RNF149: variants seen among roughly 807,000 people sequenced by gnomAD.
The protein encoded by RNF149 is ring finger protein 149, also known as E3 ubiquitin-protein ligase RNF149.
In RNF149, 21 loss-of-function variants were observed where a neutral mutation model predicts 39.0. That is an observed-to-expected ratio of 0.54 (90% CI 0.38 to 0.77). The LOEUF is 0.77. RNF149 is among the 30% of genes least tolerant of loss of function. The pLI, the probability that RNF149 is intolerant of heterozygous loss-of-function variation, is 0.00. For synonymous variants in RNF149, 209 were observed against 213.6 expected (o/e 0.98, Z 0.19); for missense variants, 493 against 534.9 (o/e 0.92, Z 0.77).
At position 101,275,940 on chromosome 2, in the gene RNF149, C is replaced by T. The variant is rs1016469128; in HGVS notation, c.*1298G>A. 29 of 984,290 alleles carry T rather than the reference C, an allele frequency of 2.9e-5. No homozygotes were observed. In the Admixed American group the frequency reaches 1.6e-3, roughly 54 times the overall value. 61.0% of individuals were successfully genotyped at this position (984,290 alleles called of 1,614,324 possible). ...TCTACTTCAATAGCTCCTCATACTG[C>T]ATCTGTCTGTAGAGTTTATTTCAGT... On this transcript the variant is annotated 3_prime_UTR_variant, in exon 7 of 7. Transcript: ENST00000295317.
chr2:101,295,027 G>A lies in RNF149; in HGVS notation c.615C>T (p.Ala205=). ...FISGQSVVFV[A]IAFITMMIIS... Reference sequence around the variant, plus strand: ...TAATCATCATGGTGATGAAGGCAATGGCCACAAACACCACAGACTGACCGC... The same window carrying A: ...TAATCATCATGGTGATGAAGGCAATAGCCACAAACACCACAGACTGACCGC... The change falls in exon 2 of 7, where the codon GCC becomes GCT. Residue 205 remains alanine (A), a synonymous_variant. Coordinates refer to ENST00000295317, the MANE Select transcript of RNF149 (RefSeq NM_173647.4). The A allele has an allele frequency of 6.2e-7, 1 of 1,614,076 alleles. No individual in the cohort carries two copies. Among genetic ancestry groups the A allele is most frequent in the Admixed American group, 1.7e-5 (1 of 60,016 alleles).
intron 4 of RNF149, chr2:101,286,507 T>G (rs1682798955): frequency 5.2e-6 from 1 of 191,884 alleles, no homozygotes; most frequent in African/African-American, 2.3e-5. Context: ...ATAAGTAAAC[T>G]AATACTAAAC....
chr2:101,292,123 C>T (rs1374717415), intron 3 of RNF149, among the ~76,000 whole-genome samples: 3 of 152,172 alleles, frequency 2.0e-5, no homozygotes, highest in African/African-American at 7.2e-5. Flanking sequence ...GCATACCATA[C>T]TGAAAGTGAA....
intron 1 of RNF149, among the ~76,000 whole-genome samples, chr2:101,298,191 G>A (rs745939479): frequency 6.6e-6 from 1 of 152,146 alleles, no homozygotes; most frequent in African/African-American, 2.4e-5. Flanking sequence ...AACACTTTGG[G>A]GGGCCAAGGC....
intron 1 of RNF149, among the ~76,000 whole-genome samples, chr2:101,304,835 A>ATTTTTTTTT (rs11340908): frequency 1.1e-5 from 1 of 89,750 alleles, no homozygotes. Flanking sequence ...GACTACTAGT[A>ATTTTTTTTT]TTTTTTTTTT....
At position 101,275,615 on chromosome 2, in the gene RNF149, G is replaced by GT; in HGVS notation, c.*1622dup. The GT allele has an allele frequency of 6.6e-6, 1 of 152,248 alleles. No individual in the cohort carries two copies. The highest frequency in any genetic ancestry group is 2.0e-4 in the East Asian group (1 of 5,006). 9.4% of individuals were successfully genotyped at this position (152,248 alleles called of 1,614,324 possible). A position where few individuals can be genotyped will look rare whatever the true frequency, so the allele number is the denominator to read the frequency against. Reference sequence around the variant, plus strand: ...CGCCACTACGCCCGGCTAATTTTTTGTATTTTTAGTAGAGACGGGGTTTCA... The same window carrying GT: ...CGCCACTACGCCCGGCTAATTTTTTGTTATTTTTAGTAGAGACGGGGTTTCA... On this transcript the variant is annotated 3_prime_UTR_variant, in exon 7 of 7. Transcript: ENST00000295317.
downstream of RNF149, among the ~76,000 whole-genome samples, chr2:101,275,171 G>A (rs1682289207): frequency 1.6e-5 from 2 of 126,048 alleles, no homozygotes; most frequent in Non-Finnish European, 1.6e-5. Flanking sequence ...AGGCTGGAGT[G>A]CAGTAGCGCA....
chr2:101,281,856 C>A lies in RNF149; in HGVS notation c.1159+3G>T. 2 of 1,613,482 alleles carry A rather than the reference C, an allele frequency of 1.2e-6. No homozygotes were observed. The highest frequency in any genetic ancestry group is 1.7e-6 in the Non-Finnish European group (2 of 1,179,894). Reference sequence around the variant, plus strand: ...ATTGTTTTATAATTTGCACACCGCTCACCTAGCAATGCCGTATTTTCTCCT... The same window carrying A: ...ATTGTTTTATAATTTGCACACCGCTAACCTAGCAATGCCGTATTTTCTCCT... On this transcript the variant is annotated splice_donor_region_variant and intron_variant, in intron 6 of 6. Coordinates refer to ENST00000295317, the MANE Select transcript of RNF149 (RefSeq NM_173647.4).
At chr2:101,291,111 T>A (rs980497763) in intron 3 of RNF149, among the ~76,000 whole-genome samples, 8 of 152,222 alleles carry the variant, frequency 5.3e-5, no homozygotes, top group African/African-American at 1.7e-4. Flanking sequence ...GTGCACCACC[T>A]GTCAATATGG....
At chr2:101,306,469 C>T (rs961585825) in intron 1 of RNF149, among the ~76,000 whole-genome samples, 24 of 152,334 alleles carry the variant, frequency 1.6e-4, no homozygotes, top group Admixed American at 2.0e-4. Context: ...CCGCACTGAA[C>T]GTAGTGCCTA....
chr2:101,276,172 C>T lies in RNF149; in HGVS notation c.*1066G>A, dbSNP rs564955189. The T allele has an allele frequency of 3.5e-4, 340 of 979,796 alleles. No homozygotes were observed. The South Asian group carries it at 5.6e-3, about 16-fold the overall frequency. 60.7% of individuals were successfully genotyped at this position (979,796 alleles called of 1,614,324 possible). ...AGCAAGGAAAGACTATAATTCCACA[C>T]TCTAAAAAATAACTGCCTCATACTC... On this transcript the variant is annotated 3_prime_UTR_variant, in exon 7 of 7. Coordinates refer to ENST00000295317, the MANE Select transcript of RNF149 (RefSeq NM_173647.4).
chr2:101,281,801 G>T, intron 6 of RNF149, 58 bp downstream of exon 6: 1 of 1,595,866 alleles, frequency 6.3e-7, no homozygotes, highest in Non-Finnish European at 8.6e-7. Context: ...TGAGATTACA[G>T]GTGTGAGCCA....
At chr2:101,305,520 CA>C (rs747574258) in intron 1 of RNF149, among the ~76,000 whole-genome samples, 2 of 152,168 alleles carry the variant, frequency 1.3e-5, no homozygotes, top group Non-Finnish European at 2.9e-5. Context: ...ATCAGTGCTT[CA>C]AAATGTTGGA....
chr2:101,272,478 A>T (rs181926383), downstream of RNF149, among the ~76,000 whole-genome samples: 115 of 152,244 alleles, frequency 7.6e-4, no homozygotes, highest in Non-Finnish European at 1.1e-3. Context: ...CAAGTGTTTT[A>T]AAAAAAACTT....
rs564609202 is a variant in RNF149, at chr2:101,304,150, A to G, written c.460+3979T>C. On this transcript the variant is annotated intron_variant, in intron 1 of 6. Coordinates refer to ENST00000295317, the MANE Select transcript of RNF149 (RefSeq NM_173647.4). Reference sequence around the variant, plus strand: ...AGGTGTGGTGGCTTACACTCCCAGCACTGTGGGAGGCCAAGACAGGCAGAT... The same window carrying G: ...AGGTGTGGTGGCTTACACTCCCAGCGCTGTGGGAGGCCAAGACAGGCAGAT... Among the ~76,000 whole-genome samples, 120 of 152,294 alleles carry G rather than the reference A, an allele frequency of 7.9e-4. 1 individual carries two copies. Among genetic ancestry groups the G allele is most frequent in the Middle Eastern group, 3.4e-3 (1 of 294 alleles).
At chr2:101,271,305 C>T (rs949418556), downstream of RNF149, 8 of 152,126 alleles carry the variant, frequency 5.3e-5, no homozygotes, top group South Asian at 2.1e-4. Context: ...AACAGATTTA[C>T]ACTTGCAACA....
rs1682785928 is a variant in RNF149 at position 101,286,191 on chromosome 2, G to A, written c.864-14C>T. The A allele has an allele frequency of 2.1e-6, 3 of 1,441,822 alleles. No individual in the cohort carries two copies. Among genetic ancestry groups the A allele is most frequent in the East Asian group, 2.3e-5 (1 of 43,986 alleles). The allele number at this position is 1,441,822 out of a possible 1,614,324, so 89.3% of individuals were successfully genotyped here. ...TGAAAAATATGCCTAAAAAGATTAAGTATGTGTTAATGTTTTTAAAATCAA... is the reference window on the plus strand; with the variant it reads ...TGAAAAATATGCCTAAAAAGATTAAATATGTGTTAATGTTTTTAAAATCAA... On this transcript the variant is annotated splice_polypyrimidine_tract_variant and intron_variant, in intron 4 of 6. Transcript: ENST00000295317.
At chr2:101,272,734 A>C (rs1189657344), downstream of RNF149, 7 of 350,522 alleles carry the variant, frequency 2.0e-5, no homozygotes, top group Admixed American at 2.6e-4. Context: ...TCATTGAGCA[A>C]ATAAACTTCA....
Position 101,277,066 on chromosome 2 carries a change from A to T in RNF149, c.*172T>A. On this transcript the variant is annotated 3_prime_UTR_variant, in exon 7 of 7. Coordinates refer to ENST00000295317, the MANE Select transcript of RNF149 (RefSeq NM_173647.4). ...ATAAATATATGAGGACTAATCGAAA[A>T]GTCTCTTCAAGAAGAAAATATCTTA... 7.3e-7 allele frequency: 1 copy of T among 1,378,538 alleles called. No homozygotes were observed. Among genetic ancestry groups the T allele is most frequent in the Non-Finnish European group, 9.5e-7 (1 of 1,050,182 alleles). 85.4% of individuals were successfully genotyped at this position (1,378,538 alleles called of 1,614,324 possible). A position where few individuals can be genotyped will look rare whatever the true frequency, so the allele number is the denominator to read the frequency against.
Sources: gnomAD v4.1 joint callset for allele counts (sites outside exome capture counted in the v4.1 genomes callset) on GRCh38, gnomAD v4.1.1 for gene constraint, MANE v1.5 for transcripts, NCBI Gene and HGNC (gene_info 2026-07-23, HGNC 2026-07-21) for gene names.